The following PLCB1 variants were observed in gnomAD, a reference collection of about 807,000 sequenced individuals.
PLCB1 encodes 1-phosphatidylinositol 4,5-bisphosphate phosphodiesterase beta-1.
PLCB1 carries 46 observed loss-of-function variants against 161.8 expected under a neutral mutation model. That is an observed-to-expected ratio of 0.28 (90% CI 0.22 to 0.36). The LOEUF (loss-of-function observed/expected upper bound fraction) is 0.36. PLCB1 is among the 10% of genes least tolerant of loss of function. The pLI is 1.00. For missense variants in PLCB1, 1,016 were observed against 1,472.5 expected (o/e 0.69, Z 5.07); for synonymous variants, 517 against 503.7 (o/e 1.03, Z -0.35).
At chr20:8,761,763 C>G (rs1211331447) in intron 25 of PLCB1, among the ~76,000 whole-genome samples, 1 of 149,712 alleles carries the variant, frequency 6.7e-6, no homozygotes, top group Non-Finnish European at 1.5e-5. Flanking sequence ...GGTGATCCAC[C>G]CGCTATTTTT....
chr20:8,881,343 GT>G (rs1443771927), intron 31 of PLCB1, among the ~76,000 whole-genome samples: 3 of 149,596 alleles, frequency 2.0e-5, no homozygotes, highest in African/African-American at 7.3e-5. Flanking sequence ...GTGTGTGTGT[GT>G]GTGTGTGTGT....
chr20:8,671,927 A>G (rs1989956333), intron 9 of PLCB1, among the ~76,000 whole-genome samples: 1 of 152,192 alleles, frequency 6.6e-6, no homozygotes, highest in South Asian at 2.1e-4. Context: ...TCAACTGAAA[A>G]TGGTAATTTA....
intron 27 of PLCB1, among the ~76,000 whole-genome samples, chr20:8,778,422 C>T (rs866188401): frequency 2.0e-5 from 3 of 152,060 alleles, no homozygotes; most frequent in Non-Finnish European, 4.4e-5. Flanking sequence ...GAGCTTTTCT[C>T]CTGGAGGAGA....
chr20:8,363,630 C>T (rs907747371), intron 2 of PLCB1, among the ~76,000 whole-genome samples: 3 of 152,112 alleles, frequency 2.0e-5, no homozygotes, highest in African/African-American at 4.8e-5. Context: ...TAGCCCAGCA[C>T]CTTTGCCATA....
intron 3 of PLCB1, among the ~76,000 whole-genome samples, chr20:8,587,384 C>T (rs1287374934): frequency 1.3e-5 from 2 of 151,988 alleles, no homozygotes. Context: ...GGTGTGTGGC[C>T]ATTTGACTCT....
chr20:8,470,212 G>A (rs952948136), intron 3 of PLCB1, among the ~76,000 whole-genome samples: 2 of 152,144 alleles, frequency 1.3e-5, no homozygotes, highest in Non-Finnish European at 2.9e-5. Flanking sequence ...CACTTTGGCT[G>A]TATGAGTAAG....
At chr20:8,518,785 A>G (rs1341801463) in intron 3 of PLCB1, among the ~76,000 whole-genome samples, 1 of 152,070 alleles carries the variant, frequency 6.6e-6, no homozygotes, top group Non-Finnish European at 1.5e-5. Context: ...AAATACTTAT[A>G]CAACTCACCA....
At chr20:8,543,513 C>G (rs989944851) in intron 3 of PLCB1, among the ~76,000 whole-genome samples, 2 of 150,810 alleles carry the variant, frequency 1.3e-5, no homozygotes, top group Non-Finnish European at 2.9e-5. Context: ...TATTCTGTAC[C>G]TTGATGGTAA....
intron 10 of PLCB1, among the ~76,000 whole-genome samples, chr20:8,688,360 C>A (rs1990403329): frequency 6.6e-6 from 1 of 152,078 alleles, no homozygotes; most frequent in Non-Finnish European, 1.5e-5. Flanking sequence ...AGCCATGTAT[C>A]TTTGTTTTTA....
intron 3 of PLCB1, among the ~76,000 whole-genome samples, chr20:8,415,698 A>C (rs1333307246): frequency 6.6e-6 from 1 of 152,226 alleles, no homozygotes; most frequent in African/African-American, 2.4e-5. Flanking sequence ...CCTAAGCTGC[A>C]GGAGTCACCT....
At chr20:8,785,464 G>C (rs1209990026) in intron 27 of PLCB1, among the ~76,000 whole-genome samples, 2 of 152,248 alleles carry the variant, frequency 1.3e-5, no homozygotes, top group Admixed American at 1.3e-4. Flanking sequence ...CTATTTAGTA[G>C]GTGCTTAATA....
At chr20:8,476,295 G>A (rs1367547621) in intron 3 of PLCB1, among the ~76,000 whole-genome samples, 7 of 152,162 alleles carry the variant, frequency 4.6e-5, no homozygotes, top group African/African-American at 1.7e-4. Flanking sequence ...CTTCCTTCTT[G>A]TTCAAGTGTG....
chr20:8,224,743 A>C (rs1979590128), intron 2 of PLCB1, among the ~76,000 whole-genome samples: 2 of 151,802 alleles, frequency 1.3e-5, no homozygotes. Flanking sequence ...CATTTCTGGC[A>C]CCATCCCCCC....
At chr20:8,302,862 T>G (rs1231463576) in intron 2 of PLCB1, among the ~76,000 whole-genome samples, 1 of 152,214 alleles carries the variant, frequency 6.6e-6, no homozygotes, top group African/African-American at 2.4e-5. Context: ...AATATTATAT[T>G]ATACCACAAT....
At chr20:8,136,088 C>T (rs1026904052) in intron 1 of PLCB1, among the ~76,000 whole-genome samples, 2 of 152,170 alleles carry the variant, frequency 1.3e-5, no homozygotes, top group African/African-American at 4.8e-5. Context: ...TGTCGCACAA[C>T]CTCTGAGGGA....
intron 31 of PLCB1, among the ~76,000 whole-genome samples, chr20:8,797,966 G>T (rs1328606147): frequency 6.6e-6 from 1 of 152,208 alleles, no homozygotes; most frequent in Non-Finnish European, 1.5e-5. Flanking sequence ...GGCCAAGACA[G>T]CAGGATCACT....
chr20:8,763,728 GC>G (rs767871151), intron 25 of PLCB1, among the ~76,000 whole-genome samples: 52 of 152,024 alleles, frequency 3.4e-4, no homozygotes, highest in South Asian at 1.5e-3. Flanking sequence ...CACCATGTTG[GC>G]CAGGCTAGTC....
At chr20:8,591,717 C>G (rs2123110512) in intron 3 of PLCB1, among the ~76,000 whole-genome samples, 1 of 152,302 alleles carries the variant, frequency 6.6e-6, no homozygotes, top group Non-Finnish European at 1.5e-5. Flanking sequence ...TGTTGTTAAG[C>G]ACTTTTTTCC....
chr20:8,840,432 T>C (rs1244709441), intron 31 of PLCB1, among the ~76,000 whole-genome samples: 1 of 152,050 alleles, frequency 6.6e-6, no homozygotes, highest in Non-Finnish European at 1.5e-5. Flanking sequence ...ATAGAGTGAG[T>C]GCTCTGAGGA....
Sources: allele counts gnomAD v4.1 joint callset (sites outside exome capture counted in the v4.1 genomes callset), GRCh38; gene constraint gnomAD v4.1.1; transcripts MANE v1.5; gene names NCBI Gene and HGNC (gene_info 2026-07-23, HGNC 2026-07-21).